The following SOX5 variants were observed in gnomAD, a reference collection of about 807,000 sequenced individuals.
The protein encoded by SOX5 is SRY-box transcription factor 5, also known as transcription factor SOX-5.
In SOX5, 9 loss-of-function variants were observed where a neutral mutation model predicts 92.0. The ratio of observed to expected loss-of-function variants is 0.10; its 90% CI spans 0.06 to 0.17. SOX5 has a LOEUF of 0.17. Among genes scored for constraint, SOX5 ranks in the 10% least tolerant of loss-of-function variants. The pLI, the probability that SOX5 is intolerant of heterozygous loss-of-function variation, is 1.00. For synonymous variants in SOX5, 344 were observed against 336.3 expected (o/e 1.02, Z -0.25); for missense variants, 642 against 944.5 (o/e 0.68, Z 4.20).
At chr12:23,582,422 C>T (rs1950171711) in intron 9 of SOX5, 1 of 300,842 alleles carries the variant, frequency 3.3e-6, no homozygotes, top group Non-Finnish European at 4.9e-6. Flanking sequence ...AAAATAATTG[C>T]AACAATCTTA....
At chr12:23,871,643 C>T (rs771453193) in intron 2 of SOX5, among the ~76,000 whole-genome samples, 59 of 151,512 alleles carry the variant, frequency 3.9e-4, no homozygotes, top group African/African-American at 5.6e-4. Flanking sequence ...CTCTTTTTTC[C>T]GTAAAAATAA....
chr12:23,884,767 A>C (rs2137254071), intron 2 of SOX5, among the ~76,000 whole-genome samples: 1 of 152,278 alleles, frequency 6.6e-6, no homozygotes, highest in South Asian at 2.1e-4. Flanking sequence ...TCCATCTGTA[A>C]ATTGGGGATA....
At chr12:24,154,819 A>C in intron 4 of SOX5, among the ~76,000 whole-genome samples, 2 of 152,242 alleles carry the variant, frequency 1.3e-5, no homozygotes, top group South Asian at 4.1e-4. Flanking sequence ...ACAATTCATA[A>C]ATTACACTGA....
intron 4 of SOX5, among the ~76,000 whole-genome samples, chr12:24,079,218 T>C (rs1277126809): frequency 6.7e-6 from 1 of 148,760 alleles, no homozygotes; most frequent in Non-Finnish European, 1.5e-5. Flanking sequence ...AGCTTCAGAA[T>C]TTACGCAATA....
chr12:23,914,398 A>C (rs2097389313), intron 1 of SOX5, among the ~76,000 whole-genome samples: 2 of 152,188 alleles, frequency 1.3e-5, no homozygotes, highest in Admixed American at 1.3e-4. Context: ...GGCTTAATTA[A>C]ATAGACATTG....
At chr12:24,076,699 C>CTTTT (rs11302877) in intron 4 of SOX5, among the ~76,000 whole-genome samples, 15 of 102,864 alleles carry the variant, frequency 1.5e-4, no homozygotes, top group South Asian at 3.4e-4. Context: ...CCAAAGCTGC[C>CTTTT]TTTTTTTTTT....
At chr12:23,962,967 A>C (rs11047174) in intron 4 of SOX5, among the ~76,000 whole-genome samples, 1 of 151,968 alleles carries the variant, frequency 6.6e-6, no homozygotes, top group African/African-American at 2.4e-5. Context: ...GATCCTGTCC[A>C]ATTAAAACTG....
At chr12:24,330,299 C>T (rs1257292684) in intron 2 of SOX5, among the ~76,000 whole-genome samples, 1 of 152,048 alleles carries the variant, frequency 6.6e-6, no homozygotes, top group African/African-American at 2.4e-5. Context: ...GAAACAAATT[C>T]AATCTTATTT....
intron 1 of SOX5, among the ~76,000 whole-genome samples, chr12:24,419,368 T>A (rs1054924253): frequency 1.3e-5 from 2 of 152,106 alleles, no homozygotes; most frequent in African/African-American, 4.8e-5. Context: ...TCAATCTCCT[T>A]ACCTCAAGTG....
At chr12:24,349,794 T>C (rs1953836051) in intron 2 of SOX5, among the ~76,000 whole-genome samples, 1 of 152,210 alleles carries the variant, frequency 6.6e-6, no homozygotes, top group Non-Finnish European at 1.5e-5. Context: ...TGGAGATATA[T>C]ACACAGAAGG....
intron 2 of SOX5, among the ~76,000 whole-genome samples, chr12:24,316,562 G>T (rs971558033): frequency 2.0e-4 from 31 of 151,818 alleles, no homozygotes; most frequent in Middle Eastern, 3.4e-3. Context: ...GGGTGTGAAG[G>T]AAGGAAGGAA....
chr12:24,521,106 G>A (rs138939910), intron 1 of SOX5, among the ~76,000 whole-genome samples: 2,921 of 152,270 alleles, frequency 0.019, 48 homozygotes, highest in Non-Finnish European at 0.028. Context: ...CAAGGCTGGA[G>A]TGCAATGGTG....
At chr12:23,988,117 TCA>T (rs954036757) in intron 4 of SOX5, among the ~76,000 whole-genome samples, 6 of 152,200 alleles carry the variant, frequency 3.9e-5, no homozygotes, top group African/African-American at 1.4e-4. Flanking sequence ...CAATAATGAC[TCA>T]CAAATTTTTA....
At chr12:24,222,241 T>C (rs970702913) in intron 3 of SOX5, among the ~76,000 whole-genome samples, 1 of 152,198 alleles carries the variant, frequency 6.6e-6, no homozygotes, top group Non-Finnish European at 1.5e-5. Context: ...CCCTGGTCTT[T>C]TGACCACCAA....
chr12:24,122,286 G>T (rs777514311), intron 4 of SOX5, among the ~76,000 whole-genome samples: 39 of 152,152 alleles, frequency 2.6e-4, no homozygotes, highest in Non-Finnish European at 4.7e-4. Context: ...AAAAGTAATG[G>T]CTGCCAAGAT....
At chr12:24,059,640 T>C (rs890985778) in intron 4 of SOX5, among the ~76,000 whole-genome samples, 1 of 152,118 alleles carries the variant, frequency 6.6e-6, no homozygotes, top group African/African-American at 2.4e-5. Context: ...GAAGCCCATA[T>C]CTGACCCCCT....
chr12:24,334,502 T>G (rs1951676518), intron 2 of SOX5, among the ~76,000 whole-genome samples: 1 of 152,140 alleles, frequency 6.6e-6, no homozygotes, highest in Non-Finnish European at 1.5e-5. Context: ...GGGATGCCTT[T>G]TATTGCCTGT....
At chr12:24,143,841 AGAG>A (rs1950814408) in intron 4 of SOX5, among the ~76,000 whole-genome samples, 1 of 151,184 alleles carries the variant, frequency 6.6e-6, no homozygotes, top group Non-Finnish European at 1.5e-5. Flanking sequence ...AGGAGGAGGA[AGAG>A]GAGGAGGAAA....
chr12:23,667,785 C>T (rs558811136), intron 6 of SOX5, among the ~76,000 whole-genome samples: 12 of 152,258 alleles, frequency 7.9e-5, no homozygotes, highest in Middle Eastern at 6.8e-3. Context: ...ATTAGACCAT[C>T]ATAGAACAGA....
Sources: allele counts gnomAD v4.1 joint callset (sites outside exome capture counted in the v4.1 genomes callset), GRCh38; gene constraint gnomAD v4.1.1; transcripts MANE v1.5; gene names NCBI Gene and HGNC (gene_info 2026-07-23, HGNC 2026-07-21).